Variants in FMN2 observed in about 807,000 individuals in gnomAD.
The protein encoded by FMN2 is formin-2.
FMN2 carries 51 observed loss-of-function variants against 142.3 expected under a neutral mutation model. The ratio of observed to expected loss-of-function variants is 0.36; its 90% CI spans 0.29 to 0.45. The LOEUF (loss-of-function observed/expected upper bound fraction) is 0.45. FMN2 is among the 20% of genes least tolerant of loss of function. The pLI is 1.00. For missense variants in FMN2, 1,936 were observed against 2,122.8 expected (o/e 0.91, Z 1.73); for synonymous variants, 882 against 869.8 (o/e 1.01, Z -0.25).
At chr1:240,351,568 G>C (rs571213798) in intron 13 of FMN2, among the ~76,000 whole-genome samples, 26 of 152,294 alleles carry the variant, frequency 1.7e-4, no homozygotes, top group African/African-American at 6.0e-4. Context: ...CAGTTCATAT[G>C]AATGGCCCAA....
intron 2 of FMN2, among the ~76,000 whole-genome samples, chr1:240,160,185 T>C (rs1001596958): frequency 1.1e-4 from 16 of 150,870 alleles, no homozygotes; most frequent in Non-Finnish European, 2.4e-4. Context: ...AGAGGAGGAA[T>C]GAACACTGCC....
rs554635670 is a variant in FMN2, at chr1:240,314,892, T to G, written c.4216-14184T>G. Among the ~76,000 whole-genome samples the G allele has an allele frequency of 2.6e-5, 4 of 152,230 alleles. No individual in the cohort carries two copies. The South Asian group carries it at 8.3e-4, about 32-fold the overall frequency. On this transcript the variant is annotated intron_variant, in intron 8 of 17. Transcript: ENST00000319653. ...GCCTCGTTTGTCTCTTTGAGAACAT[T>G]AACAAGCCTTTTAGCTTAGTGGAAT...
At chr1:240,337,501 A>G (rs1671604696) in intron 13 of FMN2, among the ~76,000 whole-genome samples, 1 of 152,206 alleles carries the variant, frequency 6.6e-6, no homozygotes, top group Non-Finnish European at 1.5e-5. Flanking sequence ...AAGAAGATTC[A>G]TATGGCCACA....
rs145432374 is a variant in FMN2, at chr1:240,170,415, G to C, written c.1783-7506G>C. Reference sequence around the variant, plus strand: ...GAAGTGTTGGTGAGGGAGTTGCTAAGCTGAAGGCGGGTGATAACTGTCATC... The same window carrying C: ...GAAGTGTTGGTGAGGGAGTTGCTAACCTGAAGGCGGGTGATAACTGTCATC... On this transcript the variant is annotated intron_variant, in intron 2 of 17. Coordinates refer to ENST00000319653, the MANE Select transcript of FMN2 (RefSeq NM_020066.5). 1.2e-4 allele frequency: 146 copies of C among 1,253,708 alleles called. No homozygotes were observed. In the African/African-American group the frequency reaches 1.9e-3, roughly 16 times the overall value. The allele number at this position is 1,253,708 out of a possible 1,614,324, so 77.7% of individuals were successfully genotyped here. A position where few individuals can be genotyped will look rare whatever the true frequency, so the allele number is the denominator to read the frequency against.
chr1:240,149,882 AT>A (rs1175274364), intron 2 of FMN2, among the ~76,000 whole-genome samples: 1 of 152,166 alleles, frequency 6.6e-6, no homozygotes, highest in African/African-American at 2.4e-5. Flanking sequence ...AGCTTTATAG[AT>A]TTTTCAAGAA....
chr1:240,373,521 C>T (rs950839873), intron 14 of FMN2, among the ~76,000 whole-genome samples: 3 of 152,284 alleles, frequency 2.0e-5, no homozygotes, highest in Admixed American at 6.5e-5. Context: ...CTTTTCTTGT[C>T]ATTTCAACAA....
At chr1:240,459,761 T>TAGAGGA (rs1676385525) in intron 16 of FMN2, among the ~76,000 whole-genome samples, 1 of 134,360 alleles carries the variant, frequency 7.4e-6, no homozygotes, top group African/African-American at 3.0e-5. Context: ...AAAAAGATTG[T>TAGAGGA]AGAGGAAGTA....
At chr1:240,415,638 C>T (rs989491711) in intron 15 of FMN2, among the ~76,000 whole-genome samples, 45 of 152,112 alleles carry the variant, frequency 3.0e-4, no homozygotes, top group African/African-American at 1.1e-3. Flanking sequence ...GGTGTAAAAA[C>T]AATACTGTTA....
chr1:240,124,164 G>A (rs1330188705), intron 2 of FMN2, among the ~76,000 whole-genome samples: 4 of 152,110 alleles, frequency 2.6e-5, no homozygotes, highest in African/African-American at 4.8e-5. Context: ...ATGAACATGA[G>A]GTACAAATAC....
At chr1:240,126,800 T>G (rs1294395221) in intron 2 of FMN2, among the ~76,000 whole-genome samples, 1 of 152,214 alleles carries the variant, frequency 6.6e-6, no homozygotes, top group Non-Finnish European at 1.5e-5. Flanking sequence ...TGAAATGTGT[T>G]TCCTATTCAA....
At chr1:240,322,597 C>T (rs975279520) in intron 8 of FMN2, among the ~76,000 whole-genome samples, 5 of 152,068 alleles carry the variant, frequency 3.3e-5, no homozygotes, top group Non-Finnish European at 5.9e-5. Context: ...ATTACAGTGG[C>T]GGTATGCTAG....
At chr1:240,374,458 T>C (rs907646615) in intron 14 of FMN2, among the ~76,000 whole-genome samples, 2 of 152,356 alleles carry the variant, frequency 1.3e-5, no homozygotes, top group East Asian at 3.9e-4. Flanking sequence ...TCGATTATCT[T>C]ATCTAGATCT....
intron 16 of FMN2, among the ~76,000 whole-genome samples, chr1:240,438,645 C>G (rs527767425): frequency 1.3e-5 from 2 of 152,176 alleles, no homozygotes; most frequent in Non-Finnish European, 2.9e-5. Flanking sequence ...CAGATATCAC[C>G]AAGAAACACA....
intron 15 of FMN2, among the ~76,000 whole-genome samples, chr1:240,396,228 G>A (rs373757726): frequency 3.3e-5 from 5 of 151,836 alleles, no homozygotes; most frequent in Non-Finnish European, 7.4e-5. Context: ...CAGAAAATTC[G>A]TGTAACTCTA....
At chr1:240,431,735 T>G (rs1236088098) in intron 15 of FMN2, among the ~76,000 whole-genome samples, 1 of 151,702 alleles carries the variant, frequency 6.6e-6, no homozygotes, top group Non-Finnish European at 1.5e-5. Context: ...TATATTTATT[T>G]TTCTTTATTC....
intron 8 of FMN2, among the ~76,000 whole-genome samples, chr1:240,295,169 G>A (rs1669923106): frequency 6.7e-6 from 1 of 148,792 alleles, no homozygotes; most frequent in African/African-American, 2.5e-5. Flanking sequence ...CTTGAGCCAA[G>A]CATTGTTCTG....
At chr1:240,113,506 C>T (rs776153409) in intron 1 of FMN2, among the ~76,000 whole-genome samples, 53 of 134,956 alleles carry the variant, frequency 3.9e-4, no homozygotes, top group Non-Finnish European at 6.2e-4. Flanking sequence ...CGCAGTGAGC[C>T]GAGATCACGA....
intron 6 of FMN2, among the ~76,000 whole-genome samples, chr1:240,242,166 A>G (rs1166828995): frequency 1.3e-5 from 2 of 152,100 alleles, no homozygotes; most frequent in Non-Finnish European, 2.9e-5. Flanking sequence ...CTTAAAATCA[A>G]CTGGAACACG....
intron 2 of FMN2, among the ~76,000 whole-genome samples, chr1:240,135,550 A>C (rs370245864): frequency 6.6e-6 from 1 of 152,194 alleles, no homozygotes; most frequent in Non-Finnish European, 1.5e-5. Flanking sequence ...TATTGATTGT[A>C]TAGTGAGTTA....
Sources: gnomAD v4.1 joint callset for allele counts (sites outside exome capture counted in the v4.1 genomes callset) on GRCh38, gnomAD v4.1.1 for gene constraint, MANE v1.5 for transcripts, NCBI Gene and HGNC (gene_info 2026-07-23, HGNC 2026-07-21) for gene names.